Variants in RP1 observed in about 807,000 individuals in gnomAD.
RP1 encodes oxygen-regulated protein 1.
In RP1, 16 loss-of-function variants were observed where a neutral mutation model predicts 14.8. The observed-to-expected ratio is 1.08, with a 90% CI of 0.73 to 1.65. The LOEUF is 1.65. Among genes scored for constraint, RP1 ranks in the 40% most tolerant of loss-of-function variants. RP1 has a pLI of 0.00. For synonymous variants in RP1, 876 were observed against 883.6 expected, an observed-to-expected ratio of 0.99 and a Z score of 0.15; for missense variants, 2,631 against 2,535.0, an observed-to-expected ratio of 1.04 and a Z score of -0.81.
At chr8:54,804,013 A>G (rs1017076505) in intron 24 of RP1, among the ~76,000 whole-genome samples, 1 of 152,154 alleles carries the variant, frequency 6.6e-6, no homozygotes, top group African/African-American at 2.4e-5. Context: ...GGTTACAGTG[A>G]GCTGAGATCA....
chr8:54,596,523 C>T (rs1388991038), intron 1 of RP1, among the ~76,000 whole-genome samples: 1 of 152,302 alleles, frequency 6.6e-6, no homozygotes, highest in South Asian at 2.1e-4. Context: ...GACATCACCA[C>T]CTAGATGTCT....
At chr8:54,560,872 G>A (rs1290901539) in intron 1 of RP1, 6 of 151,964 alleles carry the variant, frequency 3.9e-5, no homozygotes, top group Non-Finnish European at 5.9e-5. Context: ...TATGTCAATA[G>A]CATCCAATGG....
chr8:54,749,632 C>T (rs112495766), intron 19 of RP1, among the ~76,000 whole-genome samples: 1 of 152,250 alleles, frequency 6.6e-6, no homozygotes, highest in African/African-American at 2.4e-5. Context: ...GGAGTTGGGA[C>T]AGTGCCGGTC....
At chr8:54,775,712 T>C (rs996374022) in intron 23 of RP1, among the ~76,000 whole-genome samples, 1 of 152,238 alleles carries the variant, frequency 6.6e-6, no homozygotes, top group Non-Finnish European at 1.5e-5. Context: ...TTTTGCGCCA[T>C]CAAGTTTTAG....
chr8:54,608,187 T>A (rs1805507625), intron 1 of RP1, among the ~76,000 whole-genome samples: 1 of 146,914 alleles, frequency 6.8e-6, no homozygotes, highest in African/African-American at 2.7e-5. Flanking sequence ...ATCTGCCTTT[T>A]TTTTTTTTTT....
intron 20 of RP1, chr8:54,755,040 T>A (rs1809467253): frequency 8.1e-7 from 1 of 1,241,702 alleles, no homozygotes; most frequent in Admixed American, 3.5e-5. Flanking sequence ...TTCCTGCTTC[T>A]AAGAGAGTTG....
At chr8:54,594,573 CAG>C (rs1805099011) in intron 1 of RP1, among the ~76,000 whole-genome samples, 2 of 152,286 alleles carry the variant, frequency 1.3e-5, no homozygotes, top group South Asian at 2.1e-4. Flanking sequence ...TACAATAAAA[CAG>C]AATAAACATG....
chr8:54,775,325 G>T (rs1042936744), intron 23 of RP1, among the ~76,000 whole-genome samples: 5 of 152,178 alleles, frequency 3.3e-5, no homozygotes, highest in African/African-American at 1.2e-4. Flanking sequence ...AAACTGCCTT[G>T]ACTAACTGTG....
intron 19 of RP1, among the ~76,000 whole-genome samples, chr8:54,747,443 C>T (rs1461841950): frequency 1.3e-5 from 2 of 152,170 alleles, no homozygotes; most frequent in Non-Finnish European, 2.9e-5. Flanking sequence ...TGTTCATAGT[C>T]CGACTTCCAC....
chr8:54,566,085 C>T (rs1804399014), intron 1 of RP1, among the ~76,000 whole-genome samples: 1 of 152,154 alleles, frequency 6.6e-6, no homozygotes, highest in Admixed American at 6.6e-5. Context: ...GGCCCAACCC[C>T]ACTCCAGGAT....
At chr8:54,752,961 T>C (rs2129365865) in intron 19 of RP1, among the ~76,000 whole-genome samples, 2 of 152,388 alleles carry the variant, frequency 1.3e-5, no homozygotes, top group Admixed American at 1.3e-4. Flanking sequence ...TTCACTAATG[T>C]TAATATGAAG....
At chr8:54,637,137 A>G (rs1806364891) in intron 3 of RP1, among the ~76,000 whole-genome samples, 1 of 152,166 alleles carries the variant, frequency 6.6e-6, no homozygotes, top group African/African-American at 2.4e-5. Flanking sequence ...CCTGTTCGGT[A>G]TCCTGCTAGG....
intron 28 of RP1, among the ~76,000 whole-genome samples, chr8:54,868,240 C>T (rs147762587): frequency 2.6e-5 from 4 of 152,112 alleles, no homozygotes; most frequent in African/African-American, 9.6e-5. Flanking sequence ...TAATCACAAA[C>T]CCTAGAAATT....
rs1012159852 is a variant in RP1, at chr8:54,865,819, T to A, written c.4070-16T>A. 11 of 1,077,756 alleles carry A rather than the reference T, an allele frequency of 1.0e-5. No homozygotes were observed. The African/African-American group carries it at 1.6e-4, about 16-fold the overall frequency. The allele number at this position is 1,077,756 out of a possible 1,614,324, so 66.8% of individuals were successfully genotyped here. On this transcript the variant is annotated splice_polypyrimidine_tract_variant and intron_variant, in intron 27 of 28. Coordinates refer to the RP1 transcript ENST00000637698. ...AGCTAAAGAGTTAAATAAATCTCCT[T>A]TGTCAACTGACACAGGTAATGGATG...
chr8:54,575,332 C>T (rs1804617813), intron 1 of RP1, among the ~76,000 whole-genome samples: 1 of 152,146 alleles, frequency 6.6e-6, no homozygotes, highest in African/African-American at 2.4e-5. Context: ...AACAGCAGTG[C>T]ACTTGATAAC....
intron 17 of RP1, among the ~76,000 whole-genome samples, chr8:54,734,240 A>C (rs1435643905): frequency 1.3e-5 from 2 of 152,160 alleles, no homozygotes; most frequent in African/African-American, 4.8e-5. Context: ...ATCTGTGGCC[A>C]TGGGACAGAA....
chr8:54,776,533 AG>A (rs1371284150), intron 23 of RP1, among the ~76,000 whole-genome samples: 1 of 152,174 alleles, frequency 6.6e-6, no homozygotes, highest in Non-Finnish European at 1.5e-5. Context: ...TTTTGATATG[AG>A]GGGGCATCCT....
At chr8:54,741,247 T>C (rs1296174329) in intron 19 of RP1, among the ~76,000 whole-genome samples, 1 of 152,160 alleles carries the variant, frequency 6.6e-6, no homozygotes, top group Non-Finnish European at 1.5e-5. Flanking sequence ...AAGCCTACAG[T>C]AGTGTACAAT....
At chr8:54,709,146 G>T (rs1808235209) in intron 15 of RP1, among the ~76,000 whole-genome samples, 1 of 152,146 alleles carries the variant, frequency 6.6e-6, no homozygotes, top group Admixed American at 6.6e-5. Context: ...TGGAGAAACT[G>T]GTTTTCCCCC....
Sources: gnomAD v4.1 joint callset for allele counts (sites outside exome capture counted in the v4.1 genomes callset) on GRCh38, gnomAD v4.1.1 for gene constraint, MANE v1.5 for transcripts, NCBI Gene and HGNC (gene_info 2026-07-23, HGNC 2026-07-21) for gene names.